The following GRIA3 variants were observed in gnomAD, a reference collection of about 807,000 sequenced individuals.
GRIA3 encodes the protein glutamate receptor 3.
GRIA3 carries 3 observed loss-of-function variants against 63.0 expected under a neutral mutation model. That is an observed-to-expected ratio of 0.05 (90% CI 0.02 to 0.12). GRIA3 has a LOEUF of 0.12. Ranked by LOEUF, GRIA3 falls within the 10% of genes least tolerant of loss-of-function variation. The probability of loss-of-function intolerance (pLI) is 1.00; values close to 1 mark genes in which losing one functional copy is unlikely to be tolerated. For synonymous variants in GRIA3, 274 were observed against 257.9 expected (o/e 1.06, Z -0.60); for missense variants, 347 against 700.9 (o/e 0.50, Z 5.70).
intron 3 of GRIA3, among the ~76,000 whole-genome samples, chrX:123,288,001 C>G (rs753237995): frequency 8.9e-6 from 1 of 112,028 alleles, no homozygotes; most frequent in African/African-American, 3.2e-5. Context: ...CATCACGCTA[C>G]CTGACTTCAA....
intron 5 of GRIA3, among the ~76,000 whole-genome samples, chrX:123,366,398 T>C (rs769353667): frequency 3.4e-4 from 38 of 111,466 alleles, no homozygotes; most frequent in Non-Finnish European, 6.6e-4. Flanking sequence ...TTCTTTAGGC[T>C]GAATAGGGCA....
chrX:123,202,727 G>A, intron 2 of GRIA3: 1 of 1,166,240 alleles, frequency 8.6e-7, no homozygotes, highest in Non-Finnish European at 1.1e-6. Flanking sequence ...ATGGGCTGCT[G>A]CACCTAAAAT....
chrX:123,259,527 A>G (rs917733891), intron 3 of GRIA3, among the ~76,000 whole-genome samples: 6 of 109,897 alleles, frequency 5.5e-5, no homozygotes. Flanking sequence ...ACACACACAC[A>G]CACCTCAATA....
intron 14 of GRIA3, among the ~76,000 whole-genome samples, chrX:123,480,675 G>A (rs1471183872): frequency 8.9e-6 from 1 of 111,926 alleles, no homozygotes; most frequent in Non-Finnish European, 1.9e-5. Context: ...ACTGGTCTCT[G>A]TAAGCAGAAT....
chrX:123,220,673 C>CT (rs779539625), intron 2 of GRIA3, among the ~76,000 whole-genome samples: 1 of 112,128 alleles, frequency 8.9e-6, no homozygotes, highest in Non-Finnish European at 1.9e-5. Context: ...GGTCTGAATT[C>CT]TACTCTTGAC....
chrX:123,377,552 T>A (rs1373349128), intron 5 of GRIA3, among the ~76,000 whole-genome samples: 2 of 112,446 alleles, frequency 1.8e-5, no homozygotes, highest in East Asian at 5.6e-4. Context: ...CATTAGTATC[T>A]TTTGAGAGAT....
chrX:123,368,543 A>G (rs895019986), intron 5 of GRIA3, among the ~76,000 whole-genome samples: 2 of 111,231 alleles, frequency 1.8e-5, no homozygotes, highest in African/African-American at 6.5e-5. Context: ...ACTGCTGGTG[A>G]TGCCAGAAAC....
intron 4 of GRIA3, among the ~76,000 whole-genome samples, chrX:123,343,820 T>G (rs982210893): frequency 9.2e-6 from 1 of 109,091 alleles, no homozygotes; most frequent in African/African-American, 3.3e-5. Context: ...GTGAAACATT[T>G]ACTGAGAACT....
chrX:123,242,560 A>G (rs761390286), intron 2 of GRIA3, among the ~76,000 whole-genome samples: 1 of 112,417 alleles, frequency 8.9e-6, no homozygotes, highest in African/African-American at 3.2e-5. Context: ...ATTGATGGAG[A>G]TATGTGGATG....
At chrX:123,333,840 C>T (rs985137836) in intron 4 of GRIA3, among the ~76,000 whole-genome samples, 2 of 110,767 alleles carry the variant, frequency 1.8e-5, no homozygotes, top group African/African-American at 6.6e-5. Flanking sequence ...ACTGGCCTTC[C>T]TTCATCTCTT....
At chrX:123,444,666 AGTATCTTT>A (rs1401913305) in intron 12 of GRIA3, among the ~76,000 whole-genome samples, 1 of 110,950 alleles carries the variant, frequency 9.0e-6, no homozygotes, top group Non-Finnish European at 1.9e-5. Context: ...ACCCTCCTTT[AGTATCTTT>A]ACCAGCGAGA....
At chrX:123,248,809 A>T (rs964463132) in intron 2 of GRIA3, among the ~76,000 whole-genome samples, 1 of 111,856 alleles carries the variant, frequency 8.9e-6, no homozygotes, top group Non-Finnish European at 1.9e-5. Context: ...AAAGAAAGAA[A>T]AAAAGAGAAA....
intron 2 of GRIA3, among the ~76,000 whole-genome samples, chrX:123,225,468 A>G (rs1008477567): frequency 1.8e-5 from 2 of 112,088 alleles, no homozygotes; most frequent in Non-Finnish European, 3.8e-5. Flanking sequence ...AATGGGTTAC[A>G]TAATGAATTT....
At chrX:123,312,853 A>G (rs1469240269) in intron 3 of GRIA3, among the ~76,000 whole-genome samples, 2 of 112,347 alleles carry the variant, frequency 1.8e-5, no homozygotes, top group African/African-American at 6.5e-5. Flanking sequence ...GAAGACAAGT[A>G]TTGTGGTCAT....
At chrX:123,459,526 G>C (rs994810442) in intron 12 of GRIA3, among the ~76,000 whole-genome samples, 1 of 112,053 alleles carries the variant, frequency 8.9e-6, no homozygotes, top group African/African-American at 3.2e-5. Flanking sequence ...TCTGCTATTT[G>C]GGATTAATCT....
chrX:123,390,073 C>T (rs1394369157), intron 5 of GRIA3, among the ~76,000 whole-genome samples: 1 of 111,571 alleles, frequency 9.0e-6, no homozygotes, highest in Non-Finnish European at 1.9e-5. Context: ...TATTTGAAGG[C>T]TCATTTCTGT....
At position 123,199,036 on chromosome X, in the gene GRIA3, A is replaced by T. The variant is rs767382471; in HGVS notation, c.268+13046A>T. Among the ~76,000 whole-genome samples the T allele has an allele frequency of 9.0e-5, 10 of 111,525 alleles. No individual in the cohort carries two copies. The South Asian group carries it at 3.4e-3, about 38-fold the overall frequency. ...GCTGATGCGTGAGTGGAAGTTAAGA[A>T]CGTATTCGTTTGAGTGGATGGATTT... On this transcript the variant is annotated intron_variant, in intron 2 of 15. Coordinates refer to ENST00000620443, the MANE Select transcript of GRIA3 (RefSeq NM_007325.5).
At chrX:123,476,736 C>T (rs780261069) in intron 13 of GRIA3, among the ~76,000 whole-genome samples, 5 of 110,776 alleles carry the variant, frequency 4.5e-5, no homozygotes, top group African/African-American at 1.3e-4. Flanking sequence ...ATTATTTTTC[C>T]GATCCAAGGC....
intron 3 of GRIA3, among the ~76,000 whole-genome samples, chrX:123,323,340 T>A (rs1446627697): frequency 1.8e-5 from 2 of 111,480 alleles, no homozygotes; most frequent in Non-Finnish European, 3.8e-5. Flanking sequence ...ACTGTACAAA[T>A]CTTTTCTTGT....
Sources: gnomAD v4.1 joint callset for allele counts (sites outside exome capture counted in the v4.1 genomes callset) on GRCh38, gnomAD v4.1.1 for gene constraint, MANE v1.5 for transcripts, NCBI Gene and HGNC (gene_info 2026-07-23, HGNC 2026-07-21) for gene names.